The following TEX11 variants were observed in gnomAD, a reference collection of about 807,000 sequenced individuals.
The protein encoded by TEX11 is testis expressed 11.
A neutral mutation model predicts 84.4 loss-of-function variants in TEX11; 7 were observed. That is an observed-to-expected ratio of 0.08 (90% CI 0.05 to 0.16). TEX11 has a LOEUF of 0.16. Among genes scored for constraint, TEX11 ranks in the 10% least tolerant of loss-of-function variants. The pLI, the probability that TEX11 is intolerant of heterozygous loss-of-function variation, is 1.00. For synonymous variants in TEX11, 264 were observed against 222.8 expected (o/e 1.18, Z -1.64); for missense variants, 551 against 660.5 (o/e 0.83, Z 1.82).
At chrX:70,762,669 G>A (rs1192516134) in intron 9 of TEX11, among the ~76,000 whole-genome samples, 1 of 110,852 alleles carries the variant, frequency 9.0e-6, no homozygotes, top group African/African-American at 3.3e-5. Flanking sequence ...CCCCACCGCC[G>A]CTCCATGGAA....
chrX:70,521,208 C>T, the TEX11 span, among the ~76,000 whole-genome samples: 7 of 111,229 alleles, frequency 6.3e-5, no homozygotes, highest in African/African-American at 2.3e-4. Context: ...CAGAAATCAC[C>T]AGTCTTCTGA....
intron 25 of TEX11, among the ~76,000 whole-genome samples, chrX:70,556,268 T>C (rs1197222670): frequency 9.0e-6 from 1 of 110,954 alleles, no homozygotes; most frequent in East Asian, 2.8e-4. Flanking sequence ...TACACTTTTG[T>C]CTAGATACTG....
intron 2 of TEX11, among the ~76,000 whole-genome samples, chrX:70,887,703 GA>G (rs35930747): frequency 0.2 from 22,578 of 111,861 alleles, 3,082 homozygotes; most frequent in African/African-American, 0.45. Flanking sequence ...GCTGGTTGTA[GA>G]GCTCTAGGGC....
intron 25 of TEX11, among the ~76,000 whole-genome samples, chrX:70,584,761 A>G (rs1429169811): frequency 8.9e-6 from 1 of 112,441 alleles, no homozygotes; most frequent in African/African-American, 3.2e-5. Flanking sequence ...TTAATGTAAT[A>G]TACCACATCA....
chrX:70,715,616 T>C (rs2090490858), intron 13 of TEX11, among the ~76,000 whole-genome samples: 1 of 112,284 alleles, frequency 8.9e-6, no homozygotes, highest in African/African-American at 3.2e-5. Flanking sequence ...GTCACGCAGT[T>C]CTCGTGCCAT....
chrX:70,791,623 A>G (rs748966230), intron 9 of TEX11, among the ~76,000 whole-genome samples: 1 of 111,773 alleles, frequency 8.9e-6, no homozygotes, highest in Non-Finnish European at 1.9e-5. Flanking sequence ...AGCACATCTC[A>G]ATGAATTCAA....
intron 13 of TEX11, among the ~76,000 whole-genome samples, chrX:70,711,640 G>GT (rs1373898944): frequency 4.5e-5 from 5 of 111,590 alleles, no homozygotes; most frequent in Admixed American, 9.5e-5. Flanking sequence ...GGGGTTCTTT[G>GT]TTTTTTTCTT....
At chrX:70,885,929 AAG>A (rs1461190037) in intron 2 of TEX11, among the ~76,000 whole-genome samples, 2 of 110,186 alleles carry the variant, frequency 1.8e-5, no homozygotes, top group Admixed American at 9.8e-5. Flanking sequence ...GAAAGAAAGA[AAG>A]AAAAAATAAG....
chrX:70,850,087 TTATATTAA>T (rs2091499620), intron 7 of TEX11, among the ~76,000 whole-genome samples: 1 of 112,202 alleles, frequency 8.9e-6, no homozygotes, highest in East Asian at 2.8e-4. Context: ...AGGCTACTCC[TTATATTAA>T]GCCAAAATCT....
rs573567013 is a variant in TEX11, at chrX:70,756,074, G to A, written c.693-11855C>T. 8.0e-5 allele frequency among the ~76,000 whole-genome samples: 9 copies of A among 111,985 alleles called. No individual in the cohort carries two copies. In the South Asian group the frequency reaches 3.1e-3, roughly 38 times the overall value. On this transcript the variant is annotated intron_variant, in intron 9 of 29. Coordinates refer to ENST00000374333, the MANE Select transcript of TEX11 (RefSeq NM_031276.3). ...TGCCATTGCTGAGGCTTGAGTAGGC[G>A]GTTTTGTGCTCACCGTGAAAACAAA...
chrX:70,743,662 G>A (rs2090748130), intron 10 of TEX11, among the ~76,000 whole-genome samples: 1 of 110,965 alleles, frequency 9.0e-6, no homozygotes, highest in Non-Finnish European at 1.9e-5. Context: ...AATCACCTGA[G>A]GTCAGGAGTT....
chrX:70,677,139 G>C (rs2090079181), intron 15 of TEX11, among the ~76,000 whole-genome samples: 1 of 111,696 alleles, frequency 9.0e-6, no homozygotes, highest in Admixed American at 9.5e-5. Context: ...TATCCTGTTG[G>C]GTGCTGTACA....
At chrX:70,624,996 T>G in intron 18 of TEX11, 72 bp from the exon 19 acceptor site, 1 of 732,212 alleles carries the variant, frequency 1.4e-6, no homozygotes, top group Non-Finnish European at 2.0e-6. Flanking sequence ...TATATTCCTG[T>G]TCATTAAAGA....
At chrX:70,876,381 A>G (rs939591275) in intron 3 of TEX11, among the ~76,000 whole-genome samples, 6 of 111,468 alleles carry the variant, frequency 5.4e-5, no homozygotes, top group African/African-American at 2.0e-4. Context: ...AAATTCTTGT[A>G]TTTTCTCATA....
intron 7 of TEX11, among the ~76,000 whole-genome samples, chrX:70,852,089 A>G (rs1473105158): frequency 1.8e-5 from 2 of 112,394 alleles, no homozygotes; most frequent in African/African-American, 6.5e-5. Flanking sequence ...ATACTAAATT[A>G]CTGAATTACA....
At chrX:70,720,780 A>G (rs1241236758) in intron 13 of TEX11, among the ~76,000 whole-genome samples, 1 of 106,665 alleles carries the variant, frequency 9.4e-6, no homozygotes, top group Non-Finnish European at 1.9e-5. Context: ...TATAATATAT[A>G]TATATATATG....
intron 20 of TEX11, among the ~76,000 whole-genome samples, chrX:70,612,488 C>T (rs1212392881): frequency 1.8e-5 from 2 of 110,376 alleles, no homozygotes; most frequent in Non-Finnish European, 1.9e-5. Flanking sequence ...ATCCTAAGAA[C>T]CAAAAAGGAA....
At chrX:70,897,615 GGAAGGAAGGAAGGA>G (rs1569463107) in intron 2 of TEX11, 3 of 40,684 alleles carry the variant, frequency 7.4e-5, no homozygotes, top group African/African-American at 1.2e-4. Context: ...AAAAAAGGAA[GGAAGGAAGGAAGGA>G]AGGAAGGAAG....
At chrX:70,602,628 T>C (rs1485273118) in intron 24 of TEX11, among the ~76,000 whole-genome samples, 13 of 107,945 alleles carry the variant, frequency 1.2e-4, no homozygotes, top group Non-Finnish European at 2.5e-4. Flanking sequence ...AGCATTCCCT[T>C]TGAAAACTGG....
Sources: allele counts gnomAD v4.1 joint callset (sites outside exome capture counted in the v4.1 genomes callset), GRCh38; gene constraint gnomAD v4.1.1; transcripts MANE v1.5; gene names NCBI Gene and HGNC (gene_info 2026-07-23, HGNC 2026-07-21).